The following GPC6 variants were observed in gnomAD, a reference collection of about 807,000 sequenced individuals.
GPC6 encodes the protein glypican 6.
GPC6 carries 14 observed loss-of-function variants against 55.2 expected under a neutral mutation model. That is an observed-to-expected ratio of 0.25 (90% CI 0.17 to 0.40). The LOEUF is 0.40. GPC6 is among the 10% of genes least tolerant of loss of function. The pLI, the probability that GPC6 is intolerant of heterozygous loss-of-function variation, is 1.00. For missense variants in GPC6, 641 were observed against 708.5 expected (o/e 0.90, Z 1.08); for synonymous variants, 278 against 259.6 (o/e 1.07, Z -0.68).
chr13:94,214,207 G>A (rs1016292548), intron 4 of GPC6, among the ~76,000 whole-genome samples: 1 of 152,188 alleles, frequency 6.6e-6, no homozygotes, highest in African/African-American at 2.4e-5. Flanking sequence ...TAGAACTTCA[G>A]TTGTTCTGTT....
intron 1 of GPC6, among the ~76,000 whole-genome samples, chr13:93,512,660 G>A (rs1881028186): frequency 6.6e-6 from 1 of 152,056 alleles, no homozygotes; most frequent in African/African-American, 2.4e-5. Flanking sequence ...TTATCAGGGT[G>A]ATGCTGGCCT....
intron 1 of GPC6, among the ~76,000 whole-genome samples, chr13:93,446,538 A>T (rs1878009080): frequency 6.6e-6 from 1 of 152,182 alleles, no homozygotes; most frequent in Non-Finnish European, 1.5e-5. Context: ...CACTCTTTGT[A>T]CACATGAAAA....
chr13:93,487,653 C>T (rs1475685249), intron 1 of GPC6, among the ~76,000 whole-genome samples: 1 of 152,062 alleles, frequency 6.6e-6, no homozygotes, highest in Non-Finnish European at 1.5e-5. Flanking sequence ...TTTACTTGAC[C>T]ACATCATTTG....
In GPC6 at chr13:93,898,978, T is replaced by C. The variant is rs1038509702; in HGVS notation, c.711+68433T>C. 3.4e-5 allele frequency among the ~76,000 whole-genome samples: 5 copies of C among 146,476 alleles called. No individual in the cohort carries two copies. In the Admixed American group the frequency reaches 3.5e-4, roughly 10 times the overall value. ...ATATATATATATATACACACACATA[T>C]ATATACATACATCCCAGATATATAG... On this transcript the variant is annotated intron_variant, in intron 3 of 8. Transcript: ENST00000377047.
chr13:94,403,401 T>C lies in GPC6; in HGVS notation c.*184T>C. 1 of 651,318 alleles carries C rather than the reference T, an allele frequency of 1.5e-6. No homozygotes were observed. The highest frequency in any genetic ancestry group is 2.8e-6 in the Non-Finnish European group (1 of 357,680). The allele number at this position is 651,318 out of a possible 1,614,324, so 40.3% of individuals were successfully genotyped here. A position where few individuals can be genotyped will look rare whatever the true frequency, so the allele number is the denominator to read the frequency against. The stretch of plus-strand genomic sequence containing the variant: ...AAGAGTACCGGGTGCCAGACTGAAC[T>C]GCTTCCTCTTTCCTTCAGCTATCTG... On this transcript the variant is annotated 3_prime_UTR_variant, in exon 9 of 9. Transcript: ENST00000377047.
chr13:94,029,374 T>C (rs1883027179), intron 4 of GPC6, among the ~76,000 whole-genome samples: 1 of 152,264 alleles, frequency 6.6e-6, no homozygotes, highest in Non-Finnish European at 1.5e-5. Context: ...GTTATCCTTC[T>C]GACACAAAAT....
intron 4 of GPC6, among the ~76,000 whole-genome samples, chr13:94,060,837 A>C (rs753171560): frequency 6.6e-6 from 1 of 152,174 alleles, no homozygotes; most frequent in Non-Finnish European, 1.5e-5. Context: ...TTAATTTGCC[A>C]AACCGTCTGA....
At chr13:94,096,319 C>CTT (rs775680383) in intron 4 of GPC6, among the ~76,000 whole-genome samples, 1 of 138,532 alleles carries the variant, frequency 7.2e-6, no homozygotes, top group South Asian at 2.3e-4. Context: ...TTTCAGGACG[C>CTT]TTTTTTTTTT....
intron 6 of GPC6, among the ~76,000 whole-genome samples, chr13:94,310,849 T>G (rs553396751): frequency 6.6e-6 from 1 of 152,324 alleles, no homozygotes; most frequent in East Asian, 1.9e-4. Context: ...GTTCAGACGA[T>G]GCGTAGTCCG....
chr13:93,565,496 G>A (rs780087687), intron 2 of GPC6, among the ~76,000 whole-genome samples: 20 of 152,056 alleles, frequency 1.3e-4, no homozygotes, highest in African/African-American at 2.4e-4. Flanking sequence ...TATCTTGATC[G>A]TTTCTTCATT....
chr13:93,928,451 A>G (rs548878682), intron 3 of GPC6, among the ~76,000 whole-genome samples: 1 of 152,278 alleles, frequency 6.6e-6, no homozygotes, highest in East Asian at 1.9e-4. Flanking sequence ...AACATAATAC[A>G]ATATTGACAA....
chr13:93,450,475 T>A (rs1332707519), intron 1 of GPC6, among the ~76,000 whole-genome samples: 1 of 152,206 alleles, frequency 6.6e-6, no homozygotes, highest in Non-Finnish European at 1.5e-5. Flanking sequence ...TTGTTGTCAT[T>A]CAACAAGTGT....
chr13:93,284,900 C>A (rs1226006611), intron 1 of GPC6, among the ~76,000 whole-genome samples: 1 of 152,064 alleles, frequency 6.6e-6, no homozygotes, highest in East Asian at 1.9e-4. Context: ...GTTATATGGT[C>A]TGGGAAATGA....
At chr13:93,652,998 C>G (rs1880485145) in intron 2 of GPC6, among the ~76,000 whole-genome samples, 1 of 152,118 alleles carries the variant, frequency 6.6e-6, no homozygotes. Context: ...TATTCAGATA[C>G]TTAGGGAGAA....
chr13:93,255,893 G>A (rs1479281681), intron 1 of GPC6, among the ~76,000 whole-genome samples: 2 of 151,946 alleles, frequency 1.3e-5, no homozygotes, highest in South Asian at 4.1e-4. Flanking sequence ...CAGCATTTTG[G>A]GAGGCCAAAG....
intron 2 of GPC6, among the ~76,000 whole-genome samples, chr13:93,698,191 C>A (rs1167968282): frequency 6.6e-6 from 1 of 152,046 alleles, no homozygotes; most frequent in Non-Finnish European, 1.5e-5. Flanking sequence ...GTGAGGTATG[C>A]TTTGGATGAC....
intron 1 of GPC6, among the ~76,000 whole-genome samples, chr13:93,340,744 A>T (rs1203179918): frequency 1.3e-5 from 2 of 152,146 alleles, no homozygotes; most frequent in African/African-American, 4.8e-5. Flanking sequence ...ACCCTTATGG[A>T]CCATAGCGAA....
At chr13:94,221,428 C>T (rs540838479) in intron 4 of GPC6, among the ~76,000 whole-genome samples, 1 of 152,102 alleles carries the variant, frequency 6.6e-6, no homozygotes, top group Non-Finnish European at 1.5e-5. Context: ...AAAAAAGCAT[C>T]TCTAAGCCAA....
At chr13:93,335,164 G>A (rs568424847) in intron 1 of GPC6, among the ~76,000 whole-genome samples, 1 of 152,260 alleles carries the variant, frequency 6.6e-6, no homozygotes, top group South Asian at 2.1e-4. Flanking sequence ...GGTAATTATA[G>A]TTAGTTCTGT....
Sources: gnomAD v4.1 joint callset for allele counts (sites outside exome capture counted in the v4.1 genomes callset) on GRCh38, gnomAD v4.1.1 for gene constraint, MANE v1.5 for transcripts, NCBI Gene and HGNC (gene_info 2026-07-23, HGNC 2026-07-21) for gene names.